The following KCNIP4 variants were observed in gnomAD, a reference collection of about 807,000 sequenced individuals.
KCNIP4 encodes the protein potassium voltage-gated channel interacting protein 4.
In KCNIP4, 12 loss-of-function variants were observed where a neutral mutation model predicts 34.0. That is an observed-to-expected ratio of 0.35 (90% CI 0.23 to 0.57). The LOEUF (loss-of-function observed/expected upper bound fraction) is 0.57, where lower values mean the gene tolerates loss of function less well. KCNIP4 is among the 20% of genes least tolerant of loss of function. KCNIP4 has a pLI of 0.83. For synonymous variants in KCNIP4, 124 were observed against 102.2 expected (o/e 1.21, Z -1.29); for missense variants, 238 against 311.7 (o/e 0.76, Z 1.78).
At chr4:21,137,412 C>T (rs1026606322) in intron 1 of KCNIP4, among the ~76,000 whole-genome samples, 1 of 152,150 alleles carries the variant, frequency 6.6e-6, no homozygotes, top group Non-Finnish European at 1.5e-5. Flanking sequence ...CTTGTTCTCC[C>T]CCATACTCCA....
chr4:21,487,849 G>C (rs1020588060), intron 1 of KCNIP4, among the ~76,000 whole-genome samples: 1 of 151,964 alleles, frequency 6.6e-6, no homozygotes, highest in Admixed American at 6.6e-5. Flanking sequence ...CATCATTGTA[G>C]ATTTTTTAAC....
At chr4:21,405,278 A>G (rs1266801358) in intron 1 of KCNIP4, among the ~76,000 whole-genome samples, 2 of 152,140 alleles carry the variant, frequency 1.3e-5, no homozygotes, top group Non-Finnish European at 2.9e-5. Flanking sequence ...TCTCTCCCCC[A>G]CTGCAAAAAT....
At chr4:21,103,533 T>C (rs1748156302) in intron 1 of KCNIP4, among the ~76,000 whole-genome samples, 2 of 151,212 alleles carry the variant, frequency 1.3e-5, no homozygotes, top group South Asian at 4.2e-4. Flanking sequence ...TCAAATATAC[T>C]TCCCATAAAA....
chr4:21,373,098 T>A (rs1720642490), intron 1 of KCNIP4, among the ~76,000 whole-genome samples: 1 of 146,792 alleles, frequency 6.8e-6, no homozygotes, highest in Non-Finnish European at 1.5e-5. Context: ...AATTTTCTAA[T>A]GGTAAATAAT....
intron 1 of KCNIP4, among the ~76,000 whole-genome samples, chr4:20,980,025 A>G (rs1472122726): frequency 6.6e-6 from 1 of 152,116 alleles, no homozygotes; most frequent in Non-Finnish European, 1.5e-5. Context: ...CCAATTTGGG[A>G]AACATTCTCC....
chr4:21,455,991 A>G (rs1251129437), intron 1 of KCNIP4, among the ~76,000 whole-genome samples: 2 of 145,362 alleles, frequency 1.4e-5, no homozygotes, highest in East Asian at 4.0e-4. Context: ...TTAATTCTAT[A>G]TCTAGTCCTC....
intron 1 of KCNIP4, among the ~76,000 whole-genome samples, chr4:20,900,846 G>T (rs949023226): frequency 2.0e-5 from 3 of 151,920 alleles, no homozygotes; most frequent in Admixed American, 6.6e-5. Flanking sequence ...ATTGAGAAAA[G>T]ATATCTGGAG....
intron 1 of KCNIP4, among the ~76,000 whole-genome samples, chr4:21,823,140 C>G (rs1333078631): frequency 1.3e-5 from 2 of 152,100 alleles, no homozygotes; most frequent in Non-Finnish European, 2.9e-5. Flanking sequence ...TACTATTTCT[C>G]TCTCTCACCT....
In KCNIP4 at chr4:20,803,711, GA is replaced by G. The variant is rs1418129156; in HGVS notation, c.289-44822del. On this transcript the variant is annotated intron_variant, in intron 3 of 8. Transcript: ENST00000382152. ...AGGGAGAGAGAGAGAGAAAGAGAGA[GA>G]GAGAGAGAGAGAGAGAGGAAGGAAG... 3.7e-4 allele frequency among the ~76,000 whole-genome samples: 45 copies of G among 121,222 alleles called. 2 individuals carry two copies. In the South Asian group the frequency reaches 0.013, roughly 36 times the overall value. 79.5% of individuals were successfully genotyped at this position (121,222 alleles called of 152,430 possible).
intron 1 of KCNIP4, among the ~76,000 whole-genome samples, chr4:21,716,526 G>A (rs745548563): frequency 6.6e-6 from 1 of 152,044 alleles, no homozygotes; most frequent in Non-Finnish European, 1.5e-5. Flanking sequence ...GGGAGCCACT[G>A]CCACCGTGCT....
At chr4:21,029,952 C>T (rs1043536858) in intron 1 of KCNIP4, among the ~76,000 whole-genome samples, 1 of 152,058 alleles carries the variant, frequency 6.6e-6, no homozygotes, top group African/African-American at 2.4e-5. Context: ...CCAAAACACT[C>T]AATATTGAGT....
chr4:21,746,416 A>T (rs1175020441), intron 1 of KCNIP4, among the ~76,000 whole-genome samples: 1 of 152,146 alleles, frequency 6.6e-6, no homozygotes, highest in Non-Finnish European at 1.5e-5. Context: ...AACTAGTAAG[A>T]CTTGAAAGTC....
chr4:21,846,057 T>A (rs1723994968), intron 1 of KCNIP4: 1 of 152,092 alleles, frequency 6.6e-6, no homozygotes, highest in Non-Finnish European at 1.5e-5. Context: ...TAATGTCATA[T>A]AATATGGATG....
chr4:21,515,994 C>T (rs917672252), intron 1 of KCNIP4, among the ~76,000 whole-genome samples: 3 of 152,094 alleles, frequency 2.0e-5, no homozygotes, highest in Admixed American at 6.5e-5. Context: ...TGTTCACCAG[C>T]GTGTTATCAT....
chr4:21,240,063 T>C (rs545666353), intron 1 of KCNIP4, among the ~76,000 whole-genome samples: 14 of 152,052 alleles, frequency 9.2e-5, no homozygotes, highest in African/African-American at 2.7e-4. Context: ...GATGAGTTCA[T>C]GTCCTTTGTA....
rs910404986 is a variant in KCNIP4, at chr4:20,729,783, A to G, written c.*299T>C. On this transcript the variant is annotated 3_prime_UTR_variant, in exon 9 of 9. Transcript: ENST00000382152. ...AAAATCACTGATATGTGAAAGCCTC[A>G]ATAATCCCATGGCTAAGGAACCAAT... 1 of 275,000 alleles carries G rather than the reference A, an allele frequency of 3.6e-6. No homozygotes were observed. The highest frequency in any genetic ancestry group is 6.3e-5 in the East Asian group (1 of 15,994). 17.0% of individuals were successfully genotyped at this position (275,000 alleles called of 1,614,324 possible). A position where few individuals can be genotyped will look rare whatever the true frequency, so the allele number is the denominator to read the frequency against.
intron 1 of KCNIP4, among the ~76,000 whole-genome samples, chr4:21,729,615 GAATT>G (rs1233774315): frequency 2.0e-5 from 3 of 152,152 alleles, no homozygotes; most frequent in East Asian, 1.9e-4. Context: ...TGAATGAAAA[GAATT>G]AATACAAGAA....
intron 1 of KCNIP4, among the ~76,000 whole-genome samples, chr4:21,483,322 G>T (rs954275467): frequency 1.3e-5 from 2 of 152,042 alleles, no homozygotes; most frequent in African/African-American, 4.8e-5. Context: ...ACTGACGTTT[G>T]TTAATATGGT....
intron 1 of KCNIP4, among the ~76,000 whole-genome samples, chr4:21,037,970 TTTTTG>T (rs1174198798): frequency 6.6e-6 from 1 of 151,386 alleles, no homozygotes. Flanking sequence ...TGGGGGTTTT[TTTTTG>T]TTTGTTTTTG....
Sources: allele counts gnomAD v4.1 joint callset (sites outside exome capture counted in the v4.1 genomes callset), GRCh38; gene constraint gnomAD v4.1.1; transcripts MANE v1.5; gene names NCBI Gene and HGNC (gene_info 2026-07-23, HGNC 2026-07-21).